The following GRIN2C variants were observed in gnomAD, a reference collection of about 807,000 sequenced individuals.
The protein encoded by GRIN2C is glutamate receptor ionotropic, NMDA 2C.
GRIN2C carries 64 observed loss-of-function variants against 77.7 expected under a neutral mutation model. That is an observed-to-expected ratio of 0.82 (90% confidence interval 0.67 to 1.01). The LOEUF (loss-of-function observed/expected upper bound fraction) is 1.01. GRIN2C is among the 50% of genes least tolerant of loss of function. The pLI is 0.00. For missense variants in GRIN2C, 1,549 were observed against 1,486.0 expected (o/e 1.04, Z -0.70); for synonymous variants, 792 against 643.4 (o/e 1.23, Z -3.49).
Position 74,852,164 on chromosome 17 carries a change from G to A in GRIN2C, c.847C>T (p.Leu283Phe), listed in dbSNP as rs2037668102. 5 of 1,461,254 alleles carry A rather than the reference G, an allele frequency of 3.4e-6. No homozygotes were observed. In the East Asian group the frequency reaches 1.4e-4, roughly 41 times the overall value. 90.5% of individuals were successfully genotyped at this position (1,461,254 alleles called of 1,614,324 possible). The part of the protein sequence containing the change: ...LISVVTESWR[L>F]SLRQKVRDGV... ...TCGCGCACCTTCTGGCGCAGGCTGA[G>A]GCGCCAGCTCTCGGTGACGACGCTG... Residue 283 changes from leucine (L) to phenylalanine (F), a missense_variant, in exon 3 of 13, where the codon CTC becomes TTC. This residue lies in a region of GRIN2C where 717 missense variants were observed against 858.1 expected (regional missense o/e 0.84). Transcript: ENST00000293190.
rs1444049881 is a variant in GRIN2C at position 74,843,522 on chromosome 17, C to T, written c.2615G>A (p.Ser872Asn). 1 of 1,533,396 alleles carries T rather than the reference C, an allele frequency of 6.5e-7. No homozygotes were observed. The highest frequency in any genetic ancestry group is 2.3e-4 in the Middle Eastern group (1 of 4,374). 95.0% of individuals were successfully genotyped at this position (1,533,396 alleles called of 1,614,324 possible). ...GGCCTGCCGCGGTGGGCTGGCGAGG[C>T]TCTGCACCCCGCTGAAGCAGCTGTA... ...GIYSCFSGVQSLASPPRQASP... is the reference protein window; with the variant it reads ...GIYSCFSGVQNLASPPRQASP... Residue 872 changes from serine (S) to asparagine (N), a missense_variant, in exon 13 of 13, where the codon AGC (serine) becomes AAC (asparagine). By Grantham distance (46) the Ser-to-Asn change is conservative. This residue lies in a region of GRIN2C where 450 missense variants were observed against 267.9 expected (regional missense o/e 1.68). Transcript: ENST00000293190.
At chr17:74,858,834 C>T (rs1021842580) in intron 1 of GRIN2C, among the ~76,000 whole-genome samples, 1 of 152,054 alleles carries the variant, frequency 6.6e-6, no homozygotes, top group Non-Finnish European at 1.5e-5. Context: ...CCATTCTGCC[C>T]TCATCTCCAG....
chr17:74,850,098 A>T lies in GRIN2C; in HGVS notation c.1491+108T>A. On this transcript the variant is annotated intron_variant, in intron 6 of 12. Transcript: ENST00000293190. The surrounding 1 kb of genome is among the most constrained non-coding windows in gnomAD (Gnocchi z 5.3). Reference sequence around the variant, plus strand: ...AGTACTGACCACCCCAGGAGTCATCATTGGTGACAGCCCATGCCCCCCTCT... The same window carrying T: ...AGTACTGACCACCCCAGGAGTCATCTTTGGTGACAGCCCATGCCCCCCTCT... The T allele has an allele frequency of 1.4e-6, 2 of 1,389,990 alleles. No homozygotes were observed. Among genetic ancestry groups the T allele is most frequent in the Non-Finnish European group, 2.0e-6 (2 of 999,696 alleles). 86.1% of individuals were successfully genotyped at this position (1,389,990 alleles called of 1,614,324 possible).
rs1318788610 is a variant in GRIN2C, at chr17:74,849,153, C to A, written c.1645+627G>T. ...TTTCCTCTCTTCCGTGGCTGAGGAG[C>A]CTGCTCAGAGAGGTTCTGTGACTTG... On this transcript the variant is annotated intron_variant, in intron 7 of 12. Coordinates refer to ENST00000293190, the MANE Select transcript of GRIN2C (RefSeq NM_000835.6). The surrounding 1 kb of genome is among the most constrained non-coding windows in gnomAD (Gnocchi z 4.6). Among the ~76,000 whole-genome samples the A allele has an allele frequency of 6.6e-6, 1 of 150,922 alleles. No individual in the cohort carries two copies. The highest frequency in any genetic ancestry group is 1.5e-5 in the Non-Finnish European group (1 of 67,696).
At chr17:74,844,754 G>A (rs900933051) in intron 11 of GRIN2C, among the ~76,000 whole-genome samples, 2 of 152,036 alleles carry the variant, frequency 1.3e-5, no homozygotes, top group African/African-American at 4.8e-5. Flanking sequence ...TGGCCTTTGG[G>A]TCCTCCCCCT....
chr17:74,851,966 G>C (rs753852694), intron 3 of GRIN2C, 47 bp downstream of exon 3: 5 of 1,407,318 alleles, frequency 3.6e-6, no homozygotes, highest in African/African-American at 1.5e-5. Context: ...CAGCTCCCCC[G>C]AAGCGCTCCC....
At chr17:74,860,819 T>G, upstream of GRIN2C, 1 of 291,922 alleles carries the variant, frequency 3.4e-6, no homozygotes, top group Non-Finnish European at 6.7e-6. Context: ...GGGGCAGAGC[T>G]GGAAGGGGAA....
chr17:74,844,960 C>G (rs1194346246), intron 11 of GRIN2C, among the ~76,000 whole-genome samples: 1 of 152,090 alleles, frequency 6.6e-6, no homozygotes, highest in Non-Finnish European at 1.5e-5. Context: ...TTGAGACAGT[C>G]GTGCTCTGTC....
rs764410531 is a variant in GRIN2C, at chr17:74,850,354, G to C, written c.1343C>G (p.Pro448Arg). Residue 448 changes from proline (P) to arginine (R), a missense_variant, in exon 6 of 13, where the codon CCC becomes CGC. By Grantham distance (103) the Pro-to-Arg change is moderately radical (BLOSUM62 -2). This residue lies in a region of GRIN2C where 717 missense variants were observed against 858.1 expected (regional missense o/e 0.84). Coordinates refer to ENST00000293190, the MANE Select transcript of GRIN2C (RefSeq NM_000835.6). This position sits in a 1 kb window ranked among gnomAD's most constrained non-coding sequence, Gnocchi z 5.3. ...NHTFSSGDVA[P>R]YTKLCCKGFC... ...TCCCTTACAGCAGAGCTTGGTGTAG[G>C]GGGCCACGTCCCCGCTGCTGCAGCC... 6.2e-7 allele frequency: 1 copy of C among 1,612,830 alleles called. No homozygotes were observed.
Position 74,851,602 on chromosome 17 carries a change from A to C in GRIN2C, c.1088T>G (p.Leu363Arg). ...LVQPTMVVIALNRHRLWEMVG... is the reference protein window; with the variant it reads ...LVQPTMVVIARNRHRLWEMVG... The stretch of plus-strand genomic sequence containing the variant: ...CATCTCCCAGAGGCGGTGCCGGTTG[A>C]GGGCGATCACCACCATGGTGGGCTG... Residue 363 changes from leucine (L) to arginine (R), a missense_variant, in exon 4 of 13, where the codon CTC (leucine) becomes CGC (arginine). Coordinates refer to ENST00000293190, the MANE Select transcript of GRIN2C (RefSeq NM_000835.6). 1 of 1,562,092 alleles carries C rather than the reference A, an allele frequency of 6.4e-7. No individual in the cohort carries two copies. The highest frequency in any genetic ancestry group is 8.7e-7 in the Non-Finnish European group (1 of 1,151,564).
chr17:74,858,641 G>A lies in GRIN2C; in HGVS notation c.-16+1103C>T, dbSNP rs561337782. 2.0e-3 allele frequency among the ~76,000 whole-genome samples: 89 copies of A among 44,158 alleles called. 1 individual carries two copies. In the Admixed American group the frequency reaches 0.024, roughly 12 times the overall value. The allele number at this position is 44,158 out of a possible 152,430, so 29.0% of individuals were successfully genotyped here. A position where few individuals can be genotyped will look rare whatever the true frequency, so the allele number is the denominator to read the frequency against. On this transcript the variant is annotated intron_variant, in intron 1 of 12. Coordinates refer to ENST00000293190, the MANE Select transcript of GRIN2C (RefSeq NM_000835.6). ...CCTACCCACCCCCGCCAGCCCCACTGCACTGCTGAAGCCTTCCTCCAGCCA... is the reference window on the plus strand; with the variant it reads ...CCTACCCACCCCCGCCAGCCCCACTACACTGCTGAAGCCTTCCTCCAGCCA...
Position 74,855,031 on chromosome 17 carries a change from A to T in GRIN2C, c.62T>A (p.Leu21Gln). 1.2e-6 allele frequency: 2 copies of T among 1,600,890 alleles called. No individual in the cohort carries two copies. Among genetic ancestry groups the T allele is most frequent in the Non-Finnish European group, 1.7e-6 (2 of 1,178,974 alleles). ...GCCCTGCTCGCCCTGCCCCGGACCCAGCCCTGCCCAGGCACCGAAGAGCGA... is the reference window on the plus strand; with the variant it reads ...GCCCTGCTCGCCCTGCCCCGGACCCTGCCCTGCCCAGGCACCGAAGAGCGA... ...LTSLFGAWAG[L>Q]GPGQGEQGMT... Residue 21 changes from leucine (L) to glutamine (Q), a missense_variant, in exon 2 of 13, where the codon CTG becomes CAG. Physicochemically the swap from Leu to Gln is moderately radical, Grantham distance 113. Coordinates refer to ENST00000293190, the MANE Select transcript of GRIN2C (RefSeq NM_000835.6).
chr17:74,860,995 GC>G (rs1294180528), upstream of GRIN2C, among the ~76,000 whole-genome samples: 1 of 152,108 alleles, frequency 6.6e-6, no homozygotes, highest in Non-Finnish European at 1.5e-5. Context: ...CCCAGCCCCG[GC>G]CCCCACTCCC....
chr17:74,852,766 C>A, intron 2 of GRIN2C, 155 bp from the exon 3 acceptor site: 1 of 468,690 alleles, frequency 2.1e-6, no homozygotes, highest in Non-Finnish European at 3.7e-6. Flanking sequence ...CCTCCCGCCC[C>A]AATGTGGTTC....
At position 74,847,612 on chromosome 17, in the gene GRIN2C, A is replaced by G; in HGVS notation, c.1772-75T>C. The G allele has an allele frequency of 8.9e-7, 1 of 1,128,288 alleles. No homozygotes were observed. 69.9% of individuals were successfully genotyped at this position (1,128,288 alleles called of 1,614,324 possible). A position where few individuals can be genotyped will look rare whatever the true frequency, so the allele number is the denominator to read the frequency against. On this transcript the variant is annotated intron_variant, in intron 8 of 12. Transcript: ENST00000293190. This position sits in a 1 kb window ranked among gnomAD's most constrained non-coding sequence, Gnocchi z 5.2. ...AAGGGCTCAGGGCTCAGCCCACCCG[A>G]CTGCACAGCTCCGGTCTCAGCCTGG...
Position 74,850,357 on chromosome 17 carries a change from G to T in GRIN2C, c.1340C>A (p.Ala447Asp). ...CTTACAGCAGAGCTTGGTGTAGGGG[G>T]CCACGTCCCCGCTGCTGCAGCCATG... ...SNHTFSSGDV[A>D]PYTKLCCKGF... The change falls in exon 6 of 13, where the codon GCC (alanine) becomes GAC (aspartate). Residue 447 changes from alanine (A) to aspartate (D), a missense_variant. By Grantham distance (126) the Ala-to-Asp change is moderately radical. Around this residue, in one of 3 missense-constraint regions of GRIN2C, gnomAD observed 717 missense variants for 858.1 expected, o/e 0.84. Transcript: ENST00000293190. This position sits in a 1 kb window ranked among gnomAD's most constrained non-coding sequence, Gnocchi z 5.3. The T allele has an allele frequency of 6.2e-7, 1 of 1,612,322 alleles. No homozygotes were observed. The highest frequency in any genetic ancestry group is 1.1e-5 in the South Asian group (1 of 91,086).
chr17:74,848,563 G>T (rs2037533378), intron 7 of GRIN2C, among the ~76,000 whole-genome samples: 1 of 152,144 alleles, frequency 6.6e-6, no homozygotes, highest in Non-Finnish European at 1.5e-5. Context: ...AGCCAGGCAT[G>T]GTGACACATG....
chr17:74,855,664 G>GGAA (rs1171472160), intron 1 of GRIN2C, among the ~76,000 whole-genome samples: 1 of 152,230 alleles, frequency 6.6e-6, no homozygotes, highest in Non-Finnish European at 1.5e-5. Context: ...GCCAGGTGAA[G>GGAA]GAAGACAGCT....
chr17:74,844,021 G>A (rs1019719792), intron 12 of GRIN2C: 50 of 664,210 alleles, frequency 7.5e-5, no homozygotes, highest in Non-Finnish European at 1.0e-4. Flanking sequence ...CTGCAGGCGC[G>A]CACCACCACG....
Sources: allele counts gnomAD v4.1 joint callset (sites outside exome capture counted in the v4.1 genomes callset), GRCh38; gene constraint gnomAD v4.1.1; regional missense constraint gnomAD v4.1.1; non-coding constraint Gnocchi (gnomAD v3.1); transcripts MANE v1.5; gene names NCBI Gene and HGNC (gene_info 2026-07-23, HGNC 2026-07-21).